Variants in CNTN5 observed in about 807,000 individuals in gnomAD.
CNTN5 encodes contactin 5, also known as contactin-5.
In CNTN5, 77 loss-of-function variants were observed where a neutral mutation model predicts 129.1. That is an observed-to-expected ratio of 0.60 (90% CI 0.50 to 0.72). The LOEUF (loss-of-function observed/expected upper bound fraction) is 0.72. CNTN5 is among the 30% of genes least tolerant of loss of function. The pLI is 0.00. For synonymous variants in CNTN5, 509 were observed against 465.6 expected, an observed-to-expected ratio of 1.09 and a Z score of -1.20; for missense variants, 1,478 against 1,328.8, an observed-to-expected ratio of 1.11 and a Z score of -1.75.
chr11:100,136,902 T>A (rs868165250), intron 13 of CNTN5, among the ~76,000 whole-genome samples: 1 of 151,936 alleles, frequency 6.6e-6, no homozygotes, highest in African/African-American at 2.4e-5. Context: ...GAAAAGTCTA[T>A]GGTAATGTGA....
chr11:100,167,678 G>T (rs1044542012), intron 13 of CNTN5, among the ~76,000 whole-genome samples: 9 of 151,894 alleles, frequency 5.9e-5, no homozygotes, highest in Admixed American at 6.6e-5. Flanking sequence ...TAGGACTGAG[G>T]TAGTCAAGGA....
intron 3 of CNTN5, among the ~76,000 whole-genome samples, chr11:99,769,522 A>C (rs1420918844): frequency 6.6e-6 from 1 of 152,058 alleles, no homozygotes; most frequent in Non-Finnish European, 1.5e-5. Context: ...GACTCCCCAA[A>C]ATTCAGTATA....
At chr11:100,328,851 C>A (rs777694740) in intron 21 of CNTN5, among the ~76,000 whole-genome samples, 40 of 152,204 alleles carry the variant, frequency 2.6e-4, no homozygotes, top group Non-Finnish European at 5.1e-4. Context: ...GACAGAGCAG[C>A]ATGTGAAAAC....
In CNTN5 at chr11:99,792,427, T is replaced by G. The variant is rs569215988; in HGVS notation, c.56-27117T>G. Among the ~76,000 whole-genome samples, 7 of 152,222 alleles carry G rather than the reference T, an allele frequency of 4.6e-5. No individual in the cohort carries two copies. The East Asian group carries it at 1.4e-3, about 29-fold the overall frequency. On this transcript the variant is annotated intron_variant, in intron 3 of 24. Coordinates refer to ENST00000524871, the MANE Select transcript of CNTN5 (RefSeq NM_014361.4). ...TTGCATATGTTGAACCCACCTTACT[T>G]GACTGTGGTGGGCTAGGTTTTTGAT...
chr11:99,246,144 C>G (rs1375232290), intron 1 of CNTN5, among the ~76,000 whole-genome samples: 3 of 152,126 alleles, frequency 2.0e-5, no homozygotes, highest in African/African-American at 7.2e-5. Context: ...AAAATGAGAT[C>G]TGAAACATAT....
At chr11:99,198,371 G>T (rs750022500) in intron 1 of CNTN5, among the ~76,000 whole-genome samples, 2 of 152,084 alleles carry the variant, frequency 1.3e-5, no homozygotes, top group Non-Finnish European at 2.9e-5. Flanking sequence ...ATTACATAAT[G>T]TTTGCAGTAC....
At chr11:99,917,442 A>G (rs1418331806) in intron 7 of CNTN5, among the ~76,000 whole-genome samples, 1 of 152,172 alleles carries the variant, frequency 6.6e-6, no homozygotes, top group Non-Finnish European at 1.5e-5. Flanking sequence ...TAGCATTAAT[A>G]TAAGTCATGT....
intron 2 of CNTN5, among the ~76,000 whole-genome samples, chr11:99,477,956 T>C (rs1443319285): frequency 6.6e-6 from 1 of 152,092 alleles, no homozygotes; most frequent in Non-Finnish European, 1.5e-5. Context: ...GTGAATATTA[T>C]AGAGACACAT....
At chr11:100,292,538 C>T (rs577462474) in intron 18 of CNTN5, among the ~76,000 whole-genome samples, 4 of 151,918 alleles carry the variant, frequency 2.6e-5, no homozygotes, top group Non-Finnish European at 5.9e-5. Flanking sequence ...TAGAAAACTC[C>T]GAAACTCAGT....
intron 3 of CNTN5, among the ~76,000 whole-genome samples, chr11:99,810,317 A>C (rs1367801646): frequency 1.3e-5 from 2 of 152,192 alleles, no homozygotes; most frequent in Non-Finnish European, 2.9e-5. Flanking sequence ...AATAATTTCA[A>C]ATCACGCTTC....
At chr11:99,931,725 T>C (rs1185312983) in intron 7 of CNTN5, among the ~76,000 whole-genome samples, 1 of 152,210 alleles carries the variant, frequency 6.6e-6, no homozygotes, top group Non-Finnish European at 1.5e-5. Flanking sequence ...CAAATTAGTA[T>C]GTTAAATGCA....
chr11:99,164,712 T>C (rs1860793419), intron 1 of CNTN5, among the ~76,000 whole-genome samples: 1 of 152,140 alleles, frequency 6.6e-6, no homozygotes, highest in Non-Finnish European at 1.5e-5. Flanking sequence ...GAATGTAAAA[T>C]AATACATGAA....
intron 3 of CNTN5, among the ~76,000 whole-genome samples, chr11:99,818,822 A>G (rs890648374): frequency 1.3e-5 from 2 of 152,172 alleles, no homozygotes; most frequent in African/African-American, 4.8e-5. Context: ...TCAATAATCA[A>G]TAAAAATGAA....
Position 99,819,604 on chromosome 11 carries a change from A to G in CNTN5, c.116A>G (p.Lys39Arg), listed in dbSNP as rs199945392. 1.1e-5 allele frequency: 18 copies of G among 1,612,982 alleles called. No homozygotes were observed. Among genetic ancestry groups the G allele is most frequent in the Admixed American group, 1.7e-5 (1 of 60,036 alleles). The change falls in exon 4 of 25, where the codon AAG (lysine) becomes AGG (arginine). Residue 39 changes from lysine to arginine, a missense_variant. Coordinates refer to ENST00000524871, the MANE Select transcript of CNTN5 (RefSeq NM_014361.4). ...TSYAALLRIKKSSSSSLFGSK... is the reference protein window; with the variant it reads ...TSYAALLRIKRSSSSSLFGSK... ...TATGCTGCTTTGTTAAGAATTAAGA[A>G]GAGTTCATCTTCATCTCTCTTTGGT... is the stretch of plus-strand genomic sequence containing the variant.
At chr11:100,018,582 C>T (rs1940955758) in intron 9 of CNTN5, among the ~76,000 whole-genome samples, 1 of 151,884 alleles carries the variant, frequency 6.6e-6, no homozygotes, top group African/African-American at 2.4e-5. Flanking sequence ...TGTTGATAGA[C>T]ATTTGGATTC....
chr11:99,970,449 A>G (rs1220817830), intron 8 of CNTN5, among the ~76,000 whole-genome samples: 2 of 152,232 alleles, frequency 1.3e-5, no homozygotes, highest in African/African-American at 4.8e-5. Flanking sequence ...TTAATTTATT[A>G]TCTACTTAAT....
chr11:99,841,624 G>A (rs1947495345), intron 4 of CNTN5, among the ~76,000 whole-genome samples: 1 of 151,272 alleles, frequency 6.6e-6, no homozygotes, highest in Non-Finnish European at 1.5e-5. Flanking sequence ...AGCAGAAGCA[G>A]CATCAGCAGA....
intron 2 of CNTN5, among the ~76,000 whole-genome samples, chr11:99,413,319 C>A (rs1407918007): frequency 6.6e-6 from 1 of 152,090 alleles, no homozygotes; most frequent in Admixed American, 6.5e-5. Flanking sequence ...GACAAGTTAT[C>A]ATTAAAGAAT....
At chr11:100,318,142 G>A (rs1210167903) in intron 21 of CNTN5, among the ~76,000 whole-genome samples, 1 of 150,320 alleles carries the variant, frequency 6.7e-6, no homozygotes, top group Non-Finnish European at 1.5e-5. Flanking sequence ...TCGGTAGGCT[G>A]AGGCAGGAGA....
Sources: gnomAD v4.1 joint callset for allele counts (sites outside exome capture counted in the v4.1 genomes callset) on GRCh38, gnomAD v4.1.1 for gene constraint, MANE v1.5 for transcripts, NCBI Gene and HGNC (gene_info 2026-07-23, HGNC 2026-07-21) for gene names.